CELF3: variants seen among roughly 807,000 people sequenced by gnomAD.
CELF3 encodes CAG repeat domain.
Under a neutral mutation model 59.6 loss-of-function variants are expected in CELF3, and 26 were observed. That is an observed-to-expected ratio of 0.44 (90% CI 0.32 to 0.61). CELF3 has a LOEUF of 0.61. Among genes scored for constraint, CELF3 ranks in the 20% least tolerant of loss-of-function variants. The pLI is 0.06. For synonymous variants in CELF3, 245 were observed against 250.7 expected (o/e 0.98, Z 0.22); for missense variants, 387 against 627.2 (o/e 0.62, Z 4.09).
Position 151,705,798 on chromosome 1 carries a change from A to G in CELF3, c.1270+24T>C, listed in dbSNP as rs778909084. 3.7e-6 allele frequency: 6 copies of G among 1,612,100 alleles called. No homozygotes were observed. Among genetic ancestry groups the G allele is most frequent in the Middle Eastern group, 1.7e-4 (1 of 6,056 alleles). ...TTGTCCTGATTTGGAGTATGGCAAAAAATGTGCCATATCATATTCTTACCA... is the reference window on the plus strand; with the variant it reads ...TTGTCCTGATTTGGAGTATGGCAAAGAATGTGCCATATCATATTCTTACCA... On this transcript the variant is annotated intron_variant, in intron 11 of 12. Coordinates refer to ENST00000290583, the MANE Select transcript of CELF3 (RefSeq NM_007185.7). The surrounding 1 kb of genome is among the most constrained non-coding windows in gnomAD (Gnocchi z 5.1).
In CELF3 at chr1:151,703,231, G is replaced by A. The variant is rs1185483877; in HGVS notation, c.*228C>T. The A allele has an allele frequency of 8.7e-6, 4 of 457,626 alleles. No individual in the cohort carries two copies. The highest frequency in any genetic ancestry group is 1.8e-5 in the Non-Finnish European group (4 of 227,606). The allele number at this position is 457,626 out of a possible 1,614,324, so 28.3% of individuals were successfully genotyped here. A position where few individuals can be genotyped will look rare whatever the true frequency, so the allele number is the denominator to read the frequency against. On this transcript the variant is annotated 3_prime_UTR_variant, in exon 13 of 13. Coordinates refer to ENST00000290583, the MANE Select transcript of CELF3 (RefSeq NM_007185.7). The stretch of plus-strand genomic sequence containing the variant: ...TCGCTCCCTCACAAAGGCCAAAAGG[G>A]CATCTAGGAGGAAATGGGCCCTTGG...
At chr1:151,706,969 C>T (rs1483902906) in intron 8 of CELF3, among the ~76,000 whole-genome samples, 176 bp downstream of exon 8, 1 of 152,240 alleles carries the variant, frequency 6.6e-6, no homozygotes, top group African/African-American at 2.4e-5. Flanking sequence ...CTTCACTGCT[C>T]TACACCTCAG....
intron 1 of CELF3, among the ~76,000 whole-genome samples, chr1:151,715,152 T>A (rs1486720295): frequency 1.3e-5 from 2 of 151,910 alleles, no homozygotes; most frequent in Admixed American, 1.3e-4. Flanking sequence ...GGAAGAACAG[T>A]TAGTTAGCCG....
Position 151,716,484 on chromosome 1 carries a change from AG to A in CELF3, c.-465del. The A allele has an allele frequency of 3.3e-6, 1 of 306,070 alleles. No homozygotes were observed. Among genetic ancestry groups the A allele is most frequent in the Non-Finnish European group, 6.5e-6 (1 of 153,510 alleles). 19.0% of individuals were successfully genotyped at this position (306,070 alleles called of 1,614,324 possible). ...GCTATGGTTGCCAGCAGCGTCAGTA[AG>A]GGGGGCCCACTCCTGATGTGGGGCA... On this transcript the variant is annotated 5_prime_UTR_variant, in exon 1 of 13. Transcript: ENST00000290583.
chr1:151,714,499 G>T (rs1260955823), intron 2 of CELF3, 95 bp downstream of exon 2: 1 of 866,168 alleles, frequency 1.2e-6, no homozygotes, highest in East Asian at 2.6e-5. Context: ...GATGAGAGGA[G>T]GTGGAAATTA....
Position 151,702,736 on chromosome 1 carries a change from G to C in CELF3, c.*723C>G, listed in dbSNP as rs903067581. 1 of 157,132 alleles carries C rather than the reference G, an allele frequency of 6.4e-6. No individual in the cohort carries two copies. The highest frequency in any genetic ancestry group is 6.1e-5 in the Admixed American group (1 of 16,468). The allele number at this position is 157,132 out of a possible 1,614,324, so 9.7% of individuals were successfully genotyped here. A position where few individuals can be genotyped will look rare whatever the true frequency, so the allele number is the denominator to read the frequency against. The stretch of plus-strand genomic sequence containing the variant: ...AGATGGCAGCGTCCGGGCCAGGCCG[G>C]GCGGGCTGGATAACGCACGGGTGGT... On this transcript the variant is annotated 3_prime_UTR_variant, in exon 13 of 13. Coordinates refer to ENST00000290583, the MANE Select transcript of CELF3 (RefSeq NM_007185.7).
chr1:151,709,295 C>T lies in CELF3; in HGVS notation c.331G>A (p.Val111Ile), dbSNP rs369719046. Residue 111 changes from valine to isoleucine, a missense_variant, in exon 4 of 13, where the codon GTC (valine) becomes ATC (isoleucine). By Grantham distance (29) the Val-to-Ile change is conservative. This residue lies in a region of CELF3 where 208 missense variants were observed against 354.8 expected (regional missense o/e 0.59). Transcript: ENST00000290583. The surrounding 1 kb of genome is among the most constrained non-coding windows in gnomAD (Gnocchi z 4.9). ...MLGKQQTDED[V>I]RKMFEPFGTI... ...CCGAAGGGCTCAAACATCTTCCGGA[C>T]GTCCTCATCTGTCTGCTGCTTCCCT... is the stretch of plus-strand genomic sequence containing the variant. 24 of 1,613,976 alleles carry T rather than the reference C, an allele frequency of 1.5e-5. No individual in the cohort carries two copies. The highest frequency in any genetic ancestry group is 1.7e-5 in the Admixed American group (1 of 59,994).
intron 2 of CELF3, among the ~76,000 whole-genome samples, chr1:151,713,866 G>A (rs1434156219): frequency 6.6e-6 from 1 of 152,230 alleles, no homozygotes; most frequent in Non-Finnish European, 1.5e-5. Context: ...CAATCAGCAA[G>A]GCTGGCTGGG....
rs773107776 is a variant in CELF3, at chr1:151,709,027, T to C, written c.457A>G (p.Asn153Asp). 9.3e-6 allele frequency: 15 copies of C among 1,613,888 alleles called. No homozygotes were observed. The highest frequency in any genetic ancestry group is 1.3e-5 in the Non-Finnish European group (15 of 1,179,952). Residue 153 changes from asparagine to aspartate, a missense_variant, in exon 5 of 13, where the codon AAC becomes GAC. By Grantham distance (23) the Asn-to-Asp change is conservative. This residue lies in a region of CELF3 where 208 missense variants were observed against 354.8 expected (regional missense o/e 0.59). Coordinates refer to ENST00000290583, the MANE Select transcript of CELF3 (RefSeq NM_007185.7). This position sits in a 1 kb window ranked among gnomAD's most constrained non-coding sequence, Gnocchi z 4.9. ...AGGGTCCGGCTGCTGTGAAGGGTGT[T>C]GATGGCCGCCTGGGCCTCAGCGTGG... is the stretch of plus-strand genomic sequence containing the variant. ...QTHAEAQAAI[N>D]TLHSSRTLPG...
rs145102095 is a variant in CELF3, at chr1:151,715,575, G to A, written c.145+301C>T. Reference sequence around the variant, plus strand: ...GCTTATCTCCCAAACCAGCTCTCTTGTCCCTCCATTCTTTCTTGAGTTCAT... The same window carrying A: ...GCTTATCTCCCAAACCAGCTCTCTTATCCCTCCATTCTTTCTTGAGTTCAT... On this transcript the variant is annotated intron_variant, in intron 1 of 12. Coordinates refer to ENST00000290583, the MANE Select transcript of CELF3 (RefSeq NM_007185.7). The A allele has an allele frequency of 4.2e-4, 570 of 1,371,090 alleles. 2 individuals carry two copies. In the African/African-American group the frequency reaches 7.0e-3, roughly 17 times the overall value. 84.9% of individuals were successfully genotyped at this position (1,371,090 alleles called of 1,614,324 possible). A position where few individuals can be genotyped will look rare whatever the true frequency, so the allele number is the denominator to read the frequency against.
intron 2 of CELF3, among the ~76,000 whole-genome samples, chr1:151,712,925 GCACA>G (rs759074184): frequency 6.6e-6 from 1 of 151,982 alleles, no homozygotes; most frequent in Non-Finnish European, 1.5e-5. Context: ...ACTCATGCAT[GCACA>G]CACACACTGC....
chr1:151,709,383 G>A lies in CELF3; in HGVS notation c.278-35C>T. 2.5e-6 allele frequency: 4 copies of A among 1,612,966 alleles called. No homozygotes were observed. The highest frequency in any genetic ancestry group is 3.4e-6 in the Non-Finnish European group (4 of 1,179,288). ...AGGGCACAGGAGGAGGGCATGTTCAGGGCCTCCTGGCTGCCTTCCCAGCCC... is the reference window on the plus strand; with the variant it reads ...AGGGCACAGGAGGAGGGCATGTTCAAGGCCTCCTGGCTGCCTTCCCAGCCC... On this transcript the variant is annotated intron_variant, in intron 3 of 12. Transcript: ENST00000290583. This position sits in a 1 kb window ranked among gnomAD's most constrained non-coding sequence, Gnocchi z 4.9.
Position 151,705,154 on chromosome 1 carries a change from C to T in CELF3, c.1285G>A (p.Asp429Asn), listed in dbSNP as rs749107827. ...GCAGCCTGGGCACTGGCCGGATTGT[C>T]GAAACTCACAAAGCCTGGGGTGAGA... ...QSKCFGFVSF[D>N]NPASAQAAIQ... Residue 429 changes from aspartate (D) to asparagine (N), a missense_variant, in exon 12 of 13, where the codon GAC (aspartate) becomes AAC (asparagine). Asp to Asn is a conservative substitution (Grantham distance 23). Coordinates refer to ENST00000290583, the MANE Select transcript of CELF3 (RefSeq NM_007185.7). The surrounding 1 kb of genome is among the most constrained non-coding windows in gnomAD (Gnocchi z 5.1). 11 of 1,613,064 alleles carry T rather than the reference C, an allele frequency of 6.8e-6. No homozygotes were observed. Among genetic ancestry groups the T allele is most frequent in the African/African-American group, 6.7e-5 (5 of 74,902 alleles).
intron 12 of CELF3, 130 bp downstream of exon 12, chr1:151,704,900 GC>G: frequency 1.0e-6 from 1 of 976,802 alleles, no homozygotes. Context: ...TGCTTCAAGT[GC>G]CCAGGGTCAA....
At chr1:151,710,118 G>A (rs972546397) in intron 2 of CELF3, 32 of 345,786 alleles carry the variant, frequency 9.3e-5, no homozygotes, top group East Asian at 5.5e-5. Context: ...GAGAGAGCCC[G>A]ACCAAGGAGT....
chr1:151,704,968 A>G, intron 12 of CELF3, 63 bp downstream of exon 12: 1 of 1,528,540 alleles, frequency 6.5e-7, no homozygotes, highest in Non-Finnish European at 8.9e-7. Context: ...GTGTAGTCCA[A>G]TCGAGGGCCC....
At chr1:151,706,611 C>T (rs1407347822) in intron 9 of CELF3, 58 bp downstream of exon 9, 4 of 1,506,736 alleles carry the variant, frequency 2.7e-6, no homozygotes, top group South Asian at 1.2e-5. Context: ...GTTACTGGGC[C>T]TCTTTTCCTC....
intron 2 of CELF3, chr1:151,710,973 A>G: frequency 2.6e-6 from 1 of 384,686 alleles, no homozygotes; most frequent in African/African-American, 2.1e-5. Flanking sequence ...TGGTTGCCCC[A>G]CTCATCTGAT....
chr1:151,707,718 C>T (rs1672688988), intron 6 of CELF3, 70 bp from the exon 7 acceptor site: 8 of 1,599,988 alleles, frequency 5.0e-6, no homozygotes, highest in Non-Finnish European at 6.8e-6. Context: ...CAGCCCGGGG[C>T]CTTGGCATCG....
Sources: allele counts gnomAD v4.1 joint callset (sites outside exome capture counted in the v4.1 genomes callset), GRCh38; gene constraint gnomAD v4.1.1; regional missense constraint gnomAD v4.1.1; non-coding constraint Gnocchi (gnomAD v3.1); transcripts MANE v1.5; gene names NCBI Gene and HGNC (gene_info 2026-07-23, HGNC 2026-07-21).